CTNNBL1: variants seen among roughly 807,000 people sequenced by gnomAD.
CTNNBL1 encodes the protein beta-catenin-like protein 1.
In CTNNBL1, 31 loss-of-function variants were observed where a neutral mutation model predicts 72.7. That is an observed-to-expected ratio of 0.43 (90% CI 0.32 to 0.58). The LOEUF is 0.58. Ranked by LOEUF, CTNNBL1 falls within the 20% of genes least tolerant of loss-of-function variation. The pLI is 0.08. For synonymous variants in CTNNBL1, 240 were observed against 267.3 expected (o/e 0.90, Z 1.00); for missense variants, 534 against 725.1 (o/e 0.74, Z 3.03).
chr20:37,731,140 C>A (rs183100497), intron 1 of CTNNBL1, among the ~76,000 whole-genome samples: 35 of 152,030 alleles, frequency 2.3e-4, no homozygotes, highest in East Asian at 3.9e-4. Context: ...TATTTAAAAT[C>A]GTTTTATCAA....
At chr20:37,828,603 A>G (rs1350589489) in intron 11 of CTNNBL1, among the ~76,000 whole-genome samples, 1 of 152,160 alleles carries the variant, frequency 6.6e-6, no homozygotes, top group Non-Finnish European at 1.5e-5. Flanking sequence ...ATGAGATAAC[A>G]TGTGTAAAGC....
intron 5 of CTNNBL1, among the ~76,000 whole-genome samples, chr20:37,758,836 T>C (rs2073388709): frequency 6.6e-6 from 1 of 152,232 alleles, no homozygotes; most frequent in African/African-American, 2.4e-5. Context: ...GTTTGGCTAC[T>C]TTCTAGTCCT....
rs747259807 is a variant in CTNNBL1 at position 37,840,249 on chromosome 20, T to C, written c.1311+50T>C. The C allele has an allele frequency of 3.0e-6, 4 of 1,346,324 alleles. 1 individual carries two copies. Among genetic ancestry groups the C allele is most frequent in the South Asian group, 2.4e-5 (2 of 84,164 alleles). 83.4% of individuals were successfully genotyped at this position (1,346,324 alleles called of 1,614,324 possible). A position where few individuals can be genotyped will look rare whatever the true frequency, so the allele number is the denominator to read the frequency against. On this transcript the variant is annotated intron_variant, in intron 12 of 15. Transcript: ENST00000361383. Reference sequence around the variant, plus strand: ...CTGGGACCGGGACTGATAGAAAGGCTCTTTACCTGATGTGATCTGAGGGAT... The same window carrying C: ...CTGGGACCGGGACTGATAGAAAGGCCCTTTACCTGATGTGATCTGAGGGAT...
intron 15 of CTNNBL1, among the ~76,000 whole-genome samples, chr20:37,868,140 G>A (rs765633433): frequency 2.0e-5 from 3 of 152,200 alleles, no homozygotes; most frequent in Admixed American, 6.5e-5. Flanking sequence ...CCTGGCCACC[G>A]AGGCCACTGT....
intron 1 of CTNNBL1, among the ~76,000 whole-genome samples, chr20:37,731,985 C>T (rs922153883): frequency 2.0e-5 from 3 of 152,188 alleles, no homozygotes; most frequent in African/African-American, 4.8e-5. Context: ...TGAGGAACCT[C>T]CATCTGTTTT....
chr20:37,800,915 C>T (rs1346045826), intron 10 of CTNNBL1, among the ~76,000 whole-genome samples: 3 of 152,164 alleles, frequency 2.0e-5, no homozygotes, highest in African/African-American at 7.2e-5. Context: ...TTGTTTTGCC[C>T]CTAAAATTTA....
Position 37,828,158 on chromosome 20 carries a change from C to G in CTNNBL1, c.1214-11944C>G, listed in dbSNP as rs537507982. On this transcript the variant is annotated intron_variant, in intron 11 of 15. Transcript: ENST00000361383. Reference sequence around the variant, plus strand: ...AGCATTCGTTGAACTCAGCACAGGACTAGACACTGAAGGTACAGATACGAC... The same window carrying G: ...AGCATTCGTTGAACTCAGCACAGGAGTAGACACTGAAGGTACAGATACGAC... Among the ~76,000 whole-genome samples the G allele has an allele frequency of 4.6e-5, 7 of 152,292 alleles. No individual in the cohort carries two copies. In the East Asian group the frequency reaches 1.4e-3, roughly 29 times the overall value.
chr20:37,856,222 C>T (rs142846152), intron 13 of CTNNBL1, among the ~76,000 whole-genome samples: 150 of 146,564 alleles, frequency 1.0e-3, no homozygotes, highest in Non-Finnish European at 1.9e-3. Context: ...AAAGAGCCTA[C>T]TAAGCAAAAA....
At chr20:37,757,926 G>A (rs923601159) in intron 5 of CTNNBL1, among the ~76,000 whole-genome samples, 2 of 152,186 alleles carry the variant, frequency 1.3e-5, no homozygotes, top group African/African-American at 4.8e-5. Flanking sequence ...CCTCTCACAT[G>A]GGCATTATTG....
At chr20:37,794,412 G>A (rs2073752550) in intron 10 of CTNNBL1, among the ~76,000 whole-genome samples, 1 of 152,116 alleles carries the variant, frequency 6.6e-6, no homozygotes, top group Admixed American at 6.5e-5. Context: ...CACCTCCTGG[G>A]TTCAAGCGAT....
At chr20:37,777,274 G>T (rs571285591) in intron 7 of CTNNBL1, 71 bp from the exon 8 acceptor site, 1 of 1,206,586 alleles carries the variant, frequency 8.3e-7, no homozygotes, top group Non-Finnish European at 1.2e-6. Flanking sequence ...CATAGTACTC[G>T]TGAAAAATTT....
chr20:37,795,265 G>A (rs951051654), intron 10 of CTNNBL1, among the ~76,000 whole-genome samples: 32 of 151,546 alleles, frequency 2.1e-4, no homozygotes, highest in African/African-American at 7.5e-4. Context: ...TCCCACCTCA[G>A]CCTTCCAAGT....
chr20:37,781,567 G>A (rs985411179), intron 10 of CTNNBL1, among the ~76,000 whole-genome samples: 3 of 152,124 alleles, frequency 2.0e-5, no homozygotes, highest in African/African-American at 7.2e-5. Context: ...GCATTAATTA[G>A]CTATATTAGC....
intron 1 of CTNNBL1, among the ~76,000 whole-genome samples, chr20:37,729,538 T>C (rs563615521): frequency 6.6e-6 from 1 of 152,310 alleles, no homozygotes; most frequent in South Asian, 2.1e-4. Flanking sequence ...TCCTTTTAAT[T>C]GTGGCCCACT....
chr20:37,864,196 CCCA>C (rs2072517124), intron 15 of CTNNBL1, among the ~76,000 whole-genome samples: 1 of 151,132 alleles, frequency 6.6e-6, no homozygotes, highest in African/African-American at 2.5e-5. Context: ...CCACGCCCCC[CCCA>C]CCCCACCCTT....
intron 4 of CTNNBL1, among the ~76,000 whole-genome samples, chr20:37,749,206 C>T (rs2073295599): frequency 6.6e-6 from 1 of 152,208 alleles, no homozygotes; most frequent in Non-Finnish European, 1.5e-5. Flanking sequence ...CTGACAGAGT[C>T]GCATGGTCAC....
chr20:37,839,454 T>C (rs931862371), intron 11 of CTNNBL1, among the ~76,000 whole-genome samples: 3 of 152,254 alleles, frequency 2.0e-5, no homozygotes, highest in Admixed American at 6.5e-5. Context: ...ACCTGAAGCC[T>C]ATAATATACC....
chr20:37,711,687 G>A (rs1293925257), intron 1 of CTNNBL1, among the ~76,000 whole-genome samples: 1 of 151,688 alleles, frequency 6.6e-6, no homozygotes, highest in Non-Finnish European at 1.5e-5. Context: ...GAAGGTTCTA[G>A]AAGGCCTCTT....
chr20:37,853,345 G>C (rs1306701255), intron 13 of CTNNBL1, among the ~76,000 whole-genome samples: 1 of 152,188 alleles, frequency 6.6e-6, no homozygotes, highest in Non-Finnish European at 1.5e-5. Context: ...CTTCCTCCAG[G>C]ACCTTTGATG....
Sources: allele counts gnomAD v4.1 joint callset (sites outside exome capture counted in the v4.1 genomes callset), GRCh38; gene constraint gnomAD v4.1.1; transcripts MANE v1.5; gene names NCBI Gene and HGNC (gene_info 2026-07-23, HGNC 2026-07-21).